The following TPH2 variants were observed in gnomAD, a reference collection of about 807,000 sequenced individuals.
The protein encoded by TPH2 is tryptophan hydroxylase 2, also known as tryptophan 5-hydroxylase 2.
A neutral mutation model predicts 59.1 loss-of-function variants in TPH2; 27 were observed. The observed-to-expected ratio is 0.46, with a 90% CI of 0.34 to 0.63. The LOEUF is 0.63. Among genes scored for constraint, TPH2 ranks in the 30% least tolerant of loss-of-function variants. The pLI, the probability that TPH2 is intolerant of heterozygous loss-of-function variation, is 0.01. For synonymous variants in TPH2, 220 were observed against 210.5 expected (o/e 1.05, Z -0.39); for missense variants, 523 against 588.3 (o/e 0.89, Z 1.15).
At chr12:71,954,323 A>G (rs1011177939) in intron 5 of TPH2, among the ~76,000 whole-genome samples, 19 of 152,196 alleles carry the variant, frequency 1.2e-4, no homozygotes, top group African/African-American at 4.6e-4. Context: ...CCTCACCAAT[A>G]ATAGCGCAGG....
intron 8 of TPH2, among the ~76,000 whole-genome samples, chr12:71,996,600 C>T (rs138216804): frequency 5.3e-5 from 8 of 152,222 alleles, no homozygotes; most frequent in South Asian, 2.1e-4. Context: ...CAAGATATAT[C>T]GCTCACTTGT....
At chr12:72,031,122 C>T in intron 9 of TPH2, 136 bp from the exon 10 acceptor site, 2 of 1,205,934 alleles carry the variant, frequency 1.7e-6, no homozygotes, top group Non-Finnish European at 2.4e-6. Context: ...AGGAGAGTTC[C>T]ATATTTCATG....
intron 8 of TPH2, among the ~76,000 whole-genome samples, chr12:72,014,101 A>C (rs956163977): frequency 2.0e-5 from 3 of 152,096 alleles, no homozygotes; most frequent in Admixed American, 6.5e-5. Flanking sequence ...TGCCTCCCAA[A>C]TCTGTGAATG....
At chr12:72,029,655 T>A (rs1167397940) in intron 9 of TPH2, among the ~76,000 whole-genome samples, 1 of 152,204 alleles carries the variant, frequency 6.6e-6, no homozygotes, top group East Asian at 1.9e-4. Flanking sequence ...CTTCTGCTTA[T>A]AATGAAGTTG....
chr12:72,009,143 G>A (rs954813314), intron 8 of TPH2, among the ~76,000 whole-genome samples: 1 of 152,162 alleles, frequency 6.6e-6, no homozygotes, highest in African/African-American at 2.4e-5. Flanking sequence ...CTGAGTTGCT[G>A]TTGTTCCCTT....
chr12:72,031,123 A>G (rs1263712418), intron 9 of TPH2, 135 bp from the exon 10 acceptor site: 5 of 1,212,580 alleles, frequency 4.1e-6, no homozygotes, highest in Middle Eastern at 2.5e-4. Flanking sequence ...GGAGAGTTCC[A>G]TATTTCATGA....
At chr12:71,988,186 C>T (rs763693204) in intron 7 of TPH2, among the ~76,000 whole-genome samples, 4 of 152,136 alleles carry the variant, frequency 2.6e-5, no homozygotes, top group African/African-American at 9.7e-5. Context: ...AGGGTATATG[C>T]TTTGGACTGT....
At chr12:71,960,507 G>T (rs1389170389) in intron 5 of TPH2, among the ~76,000 whole-genome samples, 1 of 152,222 alleles carries the variant, frequency 6.6e-6, no homozygotes, top group African/African-American at 2.4e-5. Flanking sequence ...TCTACCTGAA[G>T]CGCAGCTCAG....
intron 9 of TPH2, among the ~76,000 whole-genome samples, chr12:72,030,034 C>T (rs544712419): frequency 1.2e-4 from 18 of 152,156 alleles, no homozygotes; most frequent in African/African-American, 3.1e-4. Flanking sequence ...AGAATCTTCC[C>T]GCCTAAAACT....
At chr12:71,987,771 G>C (rs1872479426) in intron 7 of TPH2, among the ~76,000 whole-genome samples, 1 of 152,154 alleles carries the variant, frequency 6.6e-6, no homozygotes, top group African/African-American at 2.4e-5. Flanking sequence ...AGAATCGCTT[G>C]AACCCGGGAG....
intron 8 of TPH2, among the ~76,000 whole-genome samples, chr12:72,002,256 G>A: frequency 6.6e-6 from 1 of 152,092 alleles, no homozygotes; most frequent in South Asian, 2.1e-4. Flanking sequence ...CATACTCCCA[G>A]GCGAGAAAGA....
At chr12:71,975,061 A>G (rs906164134) in intron 6 of TPH2, among the ~76,000 whole-genome samples, 6 of 152,144 alleles carry the variant, frequency 3.9e-5, no homozygotes, top group African/African-American at 1.4e-4. Flanking sequence ...TCTATTAAAA[A>G]TATAAAAACT....
chr12:72,021,356 A>AGTGTGTGTGT (rs57532900), intron 8 of TPH2, among the ~76,000 whole-genome samples: 2 of 143,322 alleles, frequency 1.4e-5, no homozygotes. Flanking sequence ...GGGCCAATAA[A>AGTGTGTGTGT]GTGTGTGTGT....
chr12:71,940,754 A>AT (rs1343524815), intron 1 of TPH2, among the ~76,000 whole-genome samples: 1 of 152,006 alleles, frequency 6.6e-6, no homozygotes, highest in African/African-American at 2.4e-5. Flanking sequence ...GGAATCTGTC[A>AT]TTTTTTTCTT....
chr12:71,998,661 G>A (rs1429302551), intron 8 of TPH2, among the ~76,000 whole-genome samples: 1 of 152,174 alleles, frequency 6.6e-6, no homozygotes, highest in Non-Finnish European at 1.5e-5. Context: ...TAAGAGCTCA[G>A]GTCTTACTGG....
At position 71,942,293 on chromosome 12, in the gene TPH2, G is replaced by A. The variant is rs142072780; in HGVS notation, c.255+560G>A. On this transcript the variant is annotated intron_variant, in intron 2 of 10. Coordinates refer to ENST00000333850, the MANE Select transcript of TPH2 (RefSeq NM_173353.4). ...AGAAATGTTCATAGCATCTTCTCAG[G>A]CCCAAATCTGTAGTTTGAACCCTCA... Among the ~76,000 whole-genome samples the A allele has an allele frequency of 5.5e-3, 836 of 152,190 alleles. 5 individuals are homozygous for A. Among genetic ancestry groups the A allele is most frequent in the Non-Finnish European group, 9.6e-3 (655 of 68,018 alleles).
chr12:71,978,369 C>A (rs982345284), intron 6 of TPH2, among the ~76,000 whole-genome samples: 3 of 152,146 alleles, frequency 2.0e-5, no homozygotes, highest in African/African-American at 7.2e-5. Flanking sequence ...TGCATTCTTA[C>A]TTTGTTTCCT....
intron 9 of TPH2, among the ~76,000 whole-genome samples, chr12:72,030,039 A>G (rs1873679612): frequency 6.6e-6 from 1 of 152,118 alleles, no homozygotes; most frequent in African/African-American, 2.4e-5. Context: ...CTTCCCGCCT[A>G]AAACTCTCAT....
chr12:71,944,508 T>A (rs1566111881), intron 3 of TPH2, 31 bp downstream of exon 3: 1 of 1,613,828 alleles, frequency 6.2e-7, no homozygotes. Flanking sequence ...TCGGGTAACT[T>A]TGCAATCTGA....
Sources: gnomAD v4.1 joint callset for allele counts (sites outside exome capture counted in the v4.1 genomes callset) on GRCh38, gnomAD v4.1.1 for gene constraint, MANE v1.5 for transcripts, NCBI Gene and HGNC (gene_info 2026-07-23, HGNC 2026-07-21) for gene names.